ARHGAP23: variants seen among roughly 807,000 people sequenced by gnomAD.
ARHGAP23 encodes the protein rho GTPase-activating protein 23.
ARHGAP23 carries 34 observed loss-of-function variants against 136.3 expected under a neutral mutation model. The observed-to-expected ratio is 0.25, with a 90% confidence interval of 0.19 to 0.33. ARHGAP23 has a LOEUF of 0.33. Among genes scored for constraint, ARHGAP23 ranks in the 10% least tolerant of loss-of-function variants. The pLI, the probability that ARHGAP23 is intolerant of heterozygous loss-of-function variation, is 1.00. For synonymous variants in ARHGAP23, 832 were observed against 920.5 expected, an observed-to-expected ratio of 0.90 and a Z score of 1.74; for missense variants, 1,808 against 2,139.0, an observed-to-expected ratio of 0.85 and a Z score of 3.05.
chr17:38,502,188 C>G (rs2040537220), intron 23 of ARHGAP23, among the ~76,000 whole-genome samples: 3 of 152,208 alleles, frequency 2.0e-5, no homozygotes, highest in Non-Finnish European at 4.4e-5. Flanking sequence ...CGCCTGTAAT[C>G]CCAGCTACTC....
intron 21 of ARHGAP23, among the ~76,000 whole-genome samples, chr17:38,498,083 G>A (rs2040433294): frequency 6.6e-6 from 1 of 152,202 alleles, no homozygotes; most frequent in African/African-American, 2.4e-5. Context: ...CAGTTCAGGA[G>A]TAAAGGCAGC....
rs116899159 is a variant in ARHGAP23, at chr17:38,439,415, C to T, written c.63+10867C>T. Among the ~76,000 whole-genome samples the T allele has an allele frequency of 2.0e-5, 3 of 152,310 alleles. No individual in the cohort carries two copies. The East Asian group carries it at 5.8e-4, about 29-fold the overall frequency. ...TGCCCCGTGAGGGTAGGGACTTTGT[C>T]TTGTTCACTGCTCTATATCCAGCTT... On this transcript the variant is annotated intron_variant, in intron 1 of 23. Coordinates refer to ENST00000622683, the MANE Select transcript of ARHGAP23 (RefSeq NM_001199417.2).
Position 38,510,860 on chromosome 17 carries a change from C to T in ARHGAP23, c.4364C>T (p.Ala1455Val). 1 of 1,502,552 alleles carries T rather than the reference C, an allele frequency of 6.7e-7. No homozygotes were observed. 93.1% of individuals were successfully genotyped at this position (1,502,552 alleles called of 1,614,324 possible). ...SGLSSLESTK[A>V]RAPSSAASQP... ...CTCAGCAGCCTGGAGTCCACCAAGGCGCGGGCCCCGTCGTCCGCTGCCTCG... is the reference window on the plus strand; with the variant it reads ...CTCAGCAGCCTGGAGTCCACCAAGGTGCGGGCCCCGTCGTCCGCTGCCTCG... The change falls in exon 24 of 24, where the codon GCG becomes GTG. Residue 1455 changes from alanine (A) to valine (V), a missense_variant. Around this residue, in one of 7 missense-constraint regions of ARHGAP23, gnomAD observed 506 missense variants for 455.8 expected, o/e 1.11. Coordinates refer to ENST00000622683, the MANE Select transcript of ARHGAP23 (RefSeq NM_001199417.2). This position sits in a 1 kb window ranked among gnomAD's most constrained non-coding sequence, Gnocchi z 4.6.
At chr17:38,486,744 G>A (rs1567817807) in intron 17 of ARHGAP23, among the ~76,000 whole-genome samples, 2 of 152,224 alleles carry the variant, frequency 1.3e-5, no homozygotes, top group Non-Finnish European at 2.9e-5. Flanking sequence ...TCCCTCTACA[G>A]ATTAGGAAAC....
chr17:38,470,019 C>T, intron 10 of ARHGAP23, 115 bp downstream of exon 10: 2 of 1,283,342 alleles, frequency 1.6e-6, no homozygotes, highest in South Asian at 2.7e-5. Flanking sequence ...TCCTGCCTTC[C>T]TCCTCCTCCC....
intron 9 of ARHGAP23, 92 bp downstream of exon 9, chr17:38,469,727 G>A (rs2039700492): frequency 1.3e-6 from 2 of 1,504,886 alleles, no homozygotes; most frequent in Non-Finnish European, 1.8e-6. Context: ...GGTCCTCTAT[G>A]CATGGGACAG....
chr17:38,480,459 C>T (rs1050413158), intron 14 of ARHGAP23, among the ~76,000 whole-genome samples: 2 of 152,090 alleles, frequency 1.3e-5, no homozygotes, highest in Non-Finnish European at 2.9e-5. Flanking sequence ...CGGTGAAACC[C>T]CGTCTCTACT....
chr17:38,461,371 C>T (rs1239585366), intron 3 of ARHGAP23, among the ~76,000 whole-genome samples: 3 of 152,192 alleles, frequency 2.0e-5, no homozygotes, highest in Non-Finnish European at 4.4e-5. Context: ...AGTCAGGGAT[C>T]CCCCAAGGTC....
chr17:38,504,851 T>A (rs1271377812), intron 23 of ARHGAP23, among the ~76,000 whole-genome samples: 1 of 152,044 alleles, frequency 6.6e-6, no homozygotes, highest in Non-Finnish European at 1.5e-5. Context: ...CACATTCTGA[T>A]CTTGCCTCCC....
rs568847436 is a variant in ARHGAP23, at chr17:38,492,206, G to GT, written c.3276+678dup. The stretch of plus-strand genomic sequence containing the variant: ...CCAGCAGAGGGCGCAGAAGGCCTTG[G>GT]TTTTCGAGAGCCCAACCCTAAGGCA... On this transcript the variant is annotated intron_variant, in intron 20 of 23. Coordinates refer to ENST00000622683, the MANE Select transcript of ARHGAP23 (RefSeq NM_001199417.2). 2.2e-3 allele frequency among the ~76,000 whole-genome samples: 338 copies of GT among 152,308 alleles called. 2 individuals are homozygous for GT. Among genetic ancestry groups the GT allele is most frequent in the African/African-American group, 7.7e-3 (320 of 41,554 alleles).
chr17:38,474,019 C>T (rs752179196), intron 11 of ARHGAP23, among the ~76,000 whole-genome samples: 5 of 152,182 alleles, frequency 3.3e-5, no homozygotes, highest in Non-Finnish European at 7.3e-5. Context: ...CCCCCAGGTT[C>T]AAGCAATTCT....
chr17:38,437,307 T>G (rs545652546), intron 1 of ARHGAP23, among the ~76,000 whole-genome samples: 2 of 152,018 alleles, frequency 1.3e-5, no homozygotes, highest in East Asian at 3.9e-4. Flanking sequence ...AATTTTTTTG[T>G]AGCGATGGGG....
intron 20 of ARHGAP23, 74 bp downstream of exon 20, chr17:38,491,606 G>A: frequency 6.5e-7 from 1 of 1,537,370 alleles, no homozygotes; most frequent in African/African-American, 1.4e-5. Context: ...CCTCGCTCTT[G>A]CTCCGCCTGG....
chr17:38,447,437 GAAAAAAA>G (rs71138625), intron 1 of ARHGAP23, among the ~76,000 whole-genome samples: 787 of 25,598 alleles, frequency 0.031, 5 homozygotes, highest in African/African-American at 0.044. Context: ...GACTCCGTCT[GAAAAAAA>G]AAAAAAAAAA....
Position 38,477,680 on chromosome 17 carries a change from G to A in ARHGAP23, c.2220G>A (p.Ala740=). ...AGCGGCGGGAGCCCGGGCCGGCGGC[G>A]GCGGGGGCTGCGGCGGCCGGCGCAG... is the stretch of plus-strand genomic sequence containing the variant. ...SKERREPGPA[A]AGAAAAGAGE... The change falls in exon 12 of 24, where the codon GCG becomes GCA. Residue 740 remains alanine (A), a synonymous_variant. Coordinates refer to ENST00000622683, the MANE Select transcript of ARHGAP23 (RefSeq NM_001199417.2). This position sits in a 1 kb window ranked among gnomAD's most constrained non-coding sequence, Gnocchi z 6.6. 4.5e-6 allele frequency: 6 copies of A among 1,326,546 alleles called. No individual in the cohort carries two copies. Among genetic ancestry groups the A allele is most frequent in the Non-Finnish European group, 4.8e-6 (5 of 1,036,406 alleles). 82.2% of individuals were successfully genotyped at this position (1,326,546 alleles called of 1,614,324 possible). A position where few individuals can be genotyped will look rare whatever the true frequency, so the allele number is the denominator to read the frequency against.
upstream of ARHGAP23, among the ~76,000 whole-genome samples, chr17:38,427,844 C>T (rs1383793814): frequency 6.6e-6 from 1 of 152,198 alleles, no homozygotes; most frequent in Non-Finnish European, 1.5e-5. Flanking sequence ...GGCACCCCGT[C>T]TCCCCACCCC....
chr17:38,482,719 G>A, intron 16 of ARHGAP23, 41 bp downstream of exon 16: 6 of 1,516,918 alleles, frequency 4.0e-6, no homozygotes, highest in Non-Finnish European at 5.4e-6. Context: ...GGGCTGAGAT[G>A]GTGTGTGGGT....
chr17:38,468,388 G>T (rs1031057624), intron 7 of ARHGAP23, among the ~76,000 whole-genome samples: 3 of 152,190 alleles, frequency 2.0e-5, no homozygotes, highest in African/African-American at 7.2e-5. Context: ...GGGAGTGAGA[G>T]GGGGACAAAG....
At chr17:38,445,621 A>G (rs2039015411) in intron 1 of ARHGAP23, among the ~76,000 whole-genome samples, 2 of 150,244 alleles carry the variant, frequency 1.3e-5, no homozygotes. Context: ...GAATAATATA[A>G]TATTTATTCA....
Sources: gnomAD v4.1 joint callset for allele counts (sites outside exome capture counted in the v4.1 genomes callset) on GRCh38, gnomAD v4.1.1 for gene constraint, gnomAD v4.1.1 regional missense constraint, Gnocchi (gnomAD v3.1) non-coding constraint, MANE v1.5 for transcripts, NCBI Gene and HGNC (gene_info 2026-07-23, HGNC 2026-07-21) for gene names.